SLC39A11: variants seen among roughly 807,000 people sequenced by gnomAD.
SLC39A11 encodes the protein zinc transporter ZIP11.
A neutral mutation model predicts 36.1 loss-of-function variants in SLC39A11; 33 were observed. The ratio of observed to expected loss-of-function variants is 0.91; its 90% CI spans 0.69 to 1.22. SLC39A11 has a LOEUF of 1.22. Ranked by LOEUF, SLC39A11 falls within the 50% of genes most tolerant of loss-of-function variation. The probability of loss-of-function intolerance (pLI) is 0.00; values close to 1 mark genes in which losing one functional copy is unlikely to be tolerated. For missense variants in SLC39A11, 432 were observed against 430.3 expected (o/e 1.00, Z -0.03); for synonymous variants, 166 against 170.3 (o/e 0.97, Z 0.20).
At chr17:72,901,184 TG>T (rs2146941422) in intron 5 of SLC39A11, among the ~76,000 whole-genome samples, 1 of 152,350 alleles carries the variant, frequency 6.6e-6, no homozygotes, top group African/African-American at 2.4e-5. Context: ...CCTCGGCAGC[TG>T]GAATTCCACT....
At chr17:72,941,234 C>A (rs1184181353) in intron 5 of SLC39A11, among the ~76,000 whole-genome samples, 1 of 152,210 alleles carries the variant, frequency 6.6e-6, no homozygotes, top group Non-Finnish European at 1.5e-5. Flanking sequence ...GATCGCACCA[C>A]TGCACTCCAG....
At chr17:72,838,234 T>G (rs540101654) in intron 6 of SLC39A11, 9,115 of 307,608 alleles carry the variant, frequency 0.03, 612 homozygotes, top group African/African-American at 0.17. Flanking sequence ...TCCTTTTCTT[T>G]TTTTTTTTTT....
In SLC39A11 at chr17:72,781,614, G is replaced by A. The variant is rs910156671; in HGVS notation, c.602-44895C>T. Reference sequence around the variant, plus strand: ...AATTTTTTGTATTTTTAATAGAGACGGGATTTCACTGTGTTAACCACGTCT... The same window carrying A: ...AATTTTTTGTATTTTTAATAGAGACAGGATTTCACTGTGTTAACCACGTCT... On this transcript the variant is annotated intron_variant, in intron 6 of 9. Transcript: ENST00000255559. 7.2e-5 allele frequency among the ~76,000 whole-genome samples: 11 copies of A among 151,918 alleles called. No homozygotes were observed. The South Asian group carries it at 8.3e-4, about 11-fold the overall frequency.
chr17:72,691,175 C>A (rs566915947), intron 7 of SLC39A11, among the ~76,000 whole-genome samples: 1 of 152,228 alleles, frequency 6.6e-6, no homozygotes, highest in South Asian at 2.1e-4. Context: ...ACTGAACAAC[C>A]CCGAGGGTGA....
chr17:73,005,912 C>T (rs1158710133), intron 4 of SLC39A11, among the ~76,000 whole-genome samples: 3 of 152,146 alleles, frequency 2.0e-5, no homozygotes, highest in Non-Finnish European at 2.9e-5. Context: ...GATCACACCA[C>T]TGCACTCCAG....
intron 6 of SLC39A11, among the ~76,000 whole-genome samples, chr17:72,737,586 A>T (rs142882589): frequency 6.6e-6 from 1 of 151,298 alleles, no homozygotes; most frequent in African/African-American, 2.4e-5. Context: ...TTTAGTTTTC[A>T]TTTTTTTTTC....
At chr17:72,721,467 G>A (rs1450043405) in intron 7 of SLC39A11, among the ~76,000 whole-genome samples, 3 of 152,106 alleles carry the variant, frequency 2.0e-5, no homozygotes, top group African/African-American at 7.2e-5. Flanking sequence ...TTCTACATCT[G>A]TAAAACAGGG....
intron 4 of SLC39A11, among the ~76,000 whole-genome samples, chr17:73,021,746 C>T (rs748838326): frequency 5.9e-5 from 9 of 152,156 alleles, no homozygotes; most frequent in Non-Finnish European, 1.3e-4. Context: ...CAAGAGACAG[C>T]AAGAGAGGAC....
chr17:73,016,739 T>A (rs1433558209), intron 4 of SLC39A11, among the ~76,000 whole-genome samples: 1 of 152,222 alleles, frequency 6.6e-6, no homozygotes, highest in Admixed American at 6.5e-5. Context: ...TTAAGGCAGC[T>A]GTGGCAATAT....
In SLC39A11 at chr17:72,717,765, T is replaced by G. The variant is rs1381347212; in HGVS notation, c.671+18885A>C. 4.6e-5 allele frequency among the ~76,000 whole-genome samples: 7 copies of G among 152,198 alleles called. No individual in the cohort carries two copies. In the East Asian group the frequency reaches 1.2e-3, roughly 25 times the overall value. On this transcript the variant is annotated intron_variant, in intron 7 of 9. Coordinates refer to ENST00000255559, the MANE Select transcript of SLC39A11 (RefSeq NM_139177.4). ...CCATACCTTTCTGGGGTGCATGACT[T>G]CAGCATCGCTCCTTATTCTGGAACT... is the stretch of plus-strand genomic sequence containing the variant.
chr17:72,774,821 G>C (rs550395171), intron 6 of SLC39A11, among the ~76,000 whole-genome samples: 143 of 152,272 alleles, frequency 9.4e-4, no homozygotes, highest in African/African-American at 3.3e-3. Flanking sequence ...AGGCTAGATT[G>C]CTTTACTCTT....
chr17:72,900,030 GAGAGAA>G (rs1390230489), intron 5 of SLC39A11, among the ~76,000 whole-genome samples: 4 of 102,262 alleles, frequency 3.9e-5, no homozygotes, highest in Admixed American at 3.9e-4. Flanking sequence ...AAGAGAGAGA[GAGAGAA>G]AGAGAGAGAG....
intron 5 of SLC39A11, among the ~76,000 whole-genome samples, chr17:72,900,656 G>A (rs1031231926): frequency 6.6e-6 from 1 of 151,820 alleles, no homozygotes; most frequent in Non-Finnish European, 1.5e-5. Context: ...GATTTGTGAG[G>A]GGGGCAGGCG....
At chr17:72,848,173 C>T (rs952164387) in intron 6 of SLC39A11, among the ~76,000 whole-genome samples, 9 of 152,134 alleles carry the variant, frequency 5.9e-5, no homozygotes, top group South Asian at 2.1e-4. Context: ...TGGCATTATC[C>T]CCATTTCTTA....
chr17:72,841,379 G>C (rs1220140049), intron 6 of SLC39A11, among the ~76,000 whole-genome samples: 1 of 152,218 alleles, frequency 6.6e-6, no homozygotes, highest in Non-Finnish European at 1.5e-5. Flanking sequence ...AAATGAATGA[G>C]ATCCGGTCAT....
intron 4 of SLC39A11, among the ~76,000 whole-genome samples, chr17:72,950,702 C>T (rs1013152421): frequency 2.0e-5 from 3 of 152,128 alleles, no homozygotes; most frequent in South Asian, 2.1e-4. Context: ...AGAAGAAATG[C>T]CGCAGCATTA....
intron 5 of SLC39A11, among the ~76,000 whole-genome samples, chr17:72,923,704 C>T (rs12604014): frequency 0.021 from 3,271 of 152,192 alleles, 101 homozygotes; most frequent in East Asian, 0.11. Flanking sequence ...CTATTAGGTC[C>T]ATTTGACGAA....
intron 6 of SLC39A11, among the ~76,000 whole-genome samples, chr17:72,773,249 T>C (rs1005295289): frequency 2.0e-5 from 3 of 152,196 alleles, no homozygotes; most frequent in Non-Finnish European, 1.5e-5. Flanking sequence ...CTCTGAAATG[T>C]ATCTTCTATA....
intron 6 of SLC39A11, among the ~76,000 whole-genome samples, chr17:72,764,210 C>T (rs762504894): frequency 1.1e-4 from 17 of 151,998 alleles, no homozygotes; most frequent in African/African-American, 2.2e-4. Context: ...TTCCCTGTGG[C>T]GGAGGGAGGA....
Sources: gnomAD v4.1 joint callset for allele counts (sites outside exome capture counted in the v4.1 genomes callset) on GRCh38, gnomAD v4.1.1 for gene constraint, MANE v1.5 for transcripts, NCBI Gene and HGNC (gene_info 2026-07-23, HGNC 2026-07-21) for gene names.